SNX25: variants seen among roughly 807,000 people sequenced by gnomAD.
SNX25 encodes the protein sorting nexin-25.
SNX25 carries 62 observed loss-of-function variants against 113.7 expected under a neutral mutation model. The observed-to-expected ratio is 0.55, with a 90% CI of 0.44 to 0.67. The LOEUF (loss-of-function observed/expected upper bound fraction) is 0.67, where lower values mean the gene tolerates loss of function less well. Ranked by LOEUF, SNX25 falls within the 30% of genes least tolerant of loss-of-function variation. The pLI is 0.00. For synonymous variants in SNX25, 421 were observed against 436.2 expected (o/e 0.97, Z 0.43); for missense variants, 1,014 against 1,161.0 (o/e 0.87, Z 1.84).
intron 3 of SNX25, among the ~76,000 whole-genome samples, chr4:185,261,130 G>C (rs7664560): frequency 5.1e-5 from 7 of 138,306 alleles, no homozygotes; most frequent in Admixed American, 1.4e-4. Flanking sequence ...GTGTGTGTGT[G>C]TGTGTGTGTG....
intron 2 of SNX25, among the ~76,000 whole-genome samples, chr4:185,256,591 C>T (rs959188770): frequency 6.6e-6 from 1 of 150,882 alleles, no homozygotes; most frequent in African/African-American, 2.4e-5. Flanking sequence ...CCCCACCCTC[C>T]AATCCCTCCC....
At chr4:185,345,139 A>G (rs143059972) in intron 12 of SNX25, among the ~76,000 whole-genome samples, 2 of 152,276 alleles carry the variant, frequency 1.3e-5, no homozygotes, top group Non-Finnish European at 2.9e-5. Context: ...AGAAACAAAC[A>G]TGAAAGTCCA....
rs995114808 is a variant in SNX25, at chr4:185,244,978, G to C, written c.430-2316G>C. Among the ~76,000 whole-genome samples the C allele has an allele frequency of 5.3e-5, 8 of 152,210 alleles. No homozygotes were observed. In the South Asian group the frequency reaches 1.5e-3, roughly 28 times the overall value. ...TTCTCCACTCCCAGTTGGGTGGCCT[G>C]GGGCTGTGGGATTGATTGCATCTGT... On this transcript the variant is annotated intron_variant, in intron 1 of 18. Transcript: ENST00000652585.
intron 14 of SNX25, among the ~76,000 whole-genome samples, chr4:185,352,781 G>A (rs1231150209): frequency 6.6e-6 from 1 of 152,086 alleles, no homozygotes; most frequent in Non-Finnish European, 1.5e-5. Context: ...GCCTGGGCTC[G>A]CACTTCAGCT....
intron 1 of SNX25, among the ~76,000 whole-genome samples, chr4:185,241,012 A>G (rs1447102357): frequency 1.6e-4 from 22 of 141,726 alleles, no homozygotes; most frequent in East Asian, 2.2e-4. Flanking sequence ...CCAGGCAGAG[A>G]GGCTCCTCAC....
At chr4:185,312,397 A>G (rs1042265515) in intron 7 of SNX25, among the ~76,000 whole-genome samples, 19 of 152,256 alleles carry the variant, frequency 1.2e-4, no homozygotes, top group African/African-American at 4.1e-4. Context: ...TGGTACAGGA[A>G]GATCTCAAGA....
At chr4:185,246,551 A>G (rs1364719696) in intron 1 of SNX25, among the ~76,000 whole-genome samples, 1 of 151,366 alleles carries the variant, frequency 6.6e-6, no homozygotes, top group Non-Finnish European at 1.5e-5. Flanking sequence ...TTCCCTTTCA[A>G]CTTCTTTGGT....
chr4:185,261,164 G>GTATA (rs1747285472), intron 3 of SNX25, among the ~76,000 whole-genome samples: 1 of 149,522 alleles, frequency 6.7e-6, no homozygotes, highest in Non-Finnish European at 1.5e-5. Context: ...GTGTATGTAT[G>GTATA]TATATATAAT....
At chr4:185,259,111 T>A (rs970595596) in intron 3 of SNX25, 47 bp downstream of exon 3, 5 of 1,535,030 alleles carry the variant, frequency 3.3e-6, no homozygotes, top group African/African-American at 1.4e-5. Context: ...TAATTTTTTT[T>A]AATTGAGTAA....
intron 1 of SNX25, among the ~76,000 whole-genome samples, chr4:185,214,575 A>T (rs561392485): frequency 6.6e-6 from 1 of 152,178 alleles, no homozygotes; most frequent in African/African-American, 2.4e-5. Flanking sequence ...CCTGTACCTT[A>T]AAAAAATAAA....
chr4:185,239,763 A>ATTTTTTTT (rs200021607), intron 1 of SNX25, among the ~76,000 whole-genome samples: 4 of 122,454 alleles, frequency 3.3e-5, no homozygotes, highest in Admixed American at 8.1e-5. Context: ...AATAAGGTGT[A>ATTTTTTTT]TTTTTTTTTT....
chr4:185,238,095 C>T (rs1742947261), intron 1 of SNX25, among the ~76,000 whole-genome samples: 1 of 151,338 alleles, frequency 6.6e-6, no homozygotes, highest in Non-Finnish European at 1.5e-5. Context: ...ATTTAGAGCA[C>T]CTCTCAGCAC....
At chr4:185,271,310 C>G (rs1241940066) in intron 5 of SNX25, among the ~76,000 whole-genome samples, 1 of 152,194 alleles carries the variant, frequency 6.6e-6, no homozygotes, top group Non-Finnish European at 1.5e-5. Context: ...GATACATTCT[C>G]AGACTTAATT....
chr4:185,349,729 T>A (rs2095306042), intron 13 of SNX25, among the ~76,000 whole-genome samples: 1 of 151,746 alleles, frequency 6.6e-6, no homozygotes, highest in Non-Finnish European at 1.5e-5. Flanking sequence ...ATGGGATTAT[T>A]GTGTGTGTGT....
At chr4:185,304,891 C>G (rs1476550973) in intron 6 of SNX25, among the ~76,000 whole-genome samples, 1 of 152,244 alleles carries the variant, frequency 6.6e-6, no homozygotes, top group East Asian at 1.9e-4. Context: ...GAGGAAGTCT[C>G]TATTCCATAT....
At chr4:185,305,405 G>T (rs1161447145) in intron 6 of SNX25, among the ~76,000 whole-genome samples, 1 of 152,148 alleles carries the variant, frequency 6.6e-6, no homozygotes, top group African/African-American at 2.4e-5. Flanking sequence ...TCTACTGTTG[G>T]TGTTTTTCTT....
the SNX25 span, chr4:185,377,848 CT>C: frequency 2.4e-6 from 1 of 424,130 alleles, no homozygotes; most frequent in Non-Finnish European, 4.2e-6. Flanking sequence ...GAAGCATGTC[CT>C]TAAGTCCTGA....
At chr4:185,323,842 C>T in intron 9 of SNX25, 42 bp downstream of exon 9, 5 of 1,599,132 alleles carry the variant, frequency 3.1e-6, no homozygotes, top group Non-Finnish European at 3.4e-6. Context: ...ATTGGATAAG[C>T]TTTTAAATAT....
intron 7 of SNX25, among the ~76,000 whole-genome samples, chr4:185,319,859 A>T (rs1014550821): frequency 2.6e-5 from 4 of 152,186 alleles, no homozygotes; most frequent in Non-Finnish European, 4.4e-5. Flanking sequence ...CTCTGACCTT[A>T]AAAAATGCAT....
Sources: allele counts gnomAD v4.1 joint callset (sites outside exome capture counted in the v4.1 genomes callset), GRCh38; gene constraint gnomAD v4.1.1; transcripts MANE v1.5; gene names NCBI Gene and HGNC (gene_info 2026-07-23, HGNC 2026-07-21).